The following EPCIP variants were observed in gnomAD, a reference collection of about 807,000 sequenced individuals.
EPCIP encodes exosomal polycystin-1-interacting protein.
At chr21:32,795,849 A>G in the EPCIP span, among the ~76,000 whole-genome samples, 1 of 152,250 alleles carries the variant, frequency 6.6e-6, no homozygotes, top group Non-Finnish European at 1.5e-5. Context: ...GGAGGATAGA[A>G]GTAAGCTCTG....
the EPCIP span, among the ~76,000 whole-genome samples, chr21:32,801,234 G>T: frequency 6.6e-6 from 1 of 152,176 alleles, no homozygotes; most frequent in Non-Finnish European, 1.5e-5. Flanking sequence ...ATTACTCTAA[G>T]CCACTGATAT....
the EPCIP span, among the ~76,000 whole-genome samples, chr21:32,795,698 A>G: frequency 2.0e-5 from 3 of 152,226 alleles, no homozygotes; most frequent in Admixed American, 1.3e-4. Flanking sequence ...AGCAGGAAAG[A>G]GGCTAGGCAG....
chr21:32,795,790 G>T, the EPCIP span, among the ~76,000 whole-genome samples: 1 of 152,230 alleles, frequency 6.6e-6, no homozygotes, highest in Non-Finnish European at 1.5e-5. Context: ...GCCAGGGATC[G>T]GGTAGACAGG....
At chr21:32,813,164 A>T in the EPCIP span, among the ~76,000 whole-genome samples, 4 of 152,154 alleles carry the variant, frequency 2.6e-5, no homozygotes, top group African/African-American at 9.7e-5. Context: ...AAGAGATATC[A>T]TATCTCTTTT....
chr21:32,794,858 A>C, the EPCIP span, among the ~76,000 whole-genome samples: 2 of 152,198 alleles, frequency 1.3e-5, no homozygotes, highest in African/African-American at 4.8e-5. Flanking sequence ...TTCTCCAAAC[A>C]TCCAATTACT....
At chr21:32,792,605 T>C in the EPCIP span, among the ~76,000 whole-genome samples, 1 of 152,120 alleles carries the variant, frequency 6.6e-6, no homozygotes, top group African/African-American at 2.4e-5. Context: ...AGACAGACCA[T>C]GCAAAGAAAG....
the EPCIP span, among the ~76,000 whole-genome samples, chr21:32,801,867 A>G: frequency 2.0e-5 from 3 of 152,024 alleles, no homozygotes; most frequent in Non-Finnish European, 4.4e-5. Flanking sequence ...AAAGATGCAG[A>G]TGGAGTGGTG....
the EPCIP span, among the ~76,000 whole-genome samples, chr21:32,808,897 A>G: frequency 7.9e-5 from 12 of 152,206 alleles, no homozygotes; most frequent in African/African-American, 2.9e-4. Flanking sequence ...CTCATTGATG[A>G]CTCTTTGACG....
At chr21:32,804,154 T>C in the EPCIP span, among the ~76,000 whole-genome samples, 2 of 152,094 alleles carry the variant, frequency 1.3e-5, no homozygotes, top group African/African-American at 4.8e-5. Context: ...ACTGTTCATG[T>C]TGAACTCACT....
the EPCIP span, among the ~76,000 whole-genome samples, chr21:32,805,025 C>A: frequency 6.6e-6 from 1 of 152,102 alleles, no homozygotes; most frequent in Non-Finnish European, 1.5e-5. Flanking sequence ...GGCCATAAGG[C>A]CTCTACAGAT....
the EPCIP span, among the ~76,000 whole-genome samples, chr21:32,806,800 T>G: frequency 6.6e-6 from 1 of 152,276 alleles, no homozygotes; most frequent in African/African-American, 2.4e-5. Flanking sequence ...TCCTTGTTGG[T>G]TTACTGTGGG....
At chr21:32,795,465 C>T in the EPCIP span, among the ~76,000 whole-genome samples, 7 of 152,098 alleles carry the variant, frequency 4.6e-5, no homozygotes, top group East Asian at 1.9e-4. Flanking sequence ...TTCAGTTTGG[C>T]GAAAGTAATA....
At chr21:32,811,401 G>C in the EPCIP span, among the ~76,000 whole-genome samples, 1 of 152,248 alleles carries the variant, frequency 6.6e-6, no homozygotes, top group East Asian at 1.9e-4. Context: ...CAAAGTGCTG[G>C]GGTTACAAGC....
chr21:32,809,286 T>TTCTTTCTTTCTTTCTTTCTTTCTTTC, the EPCIP span, among the ~76,000 whole-genome samples: 2 of 111,570 alleles, frequency 1.8e-5, no homozygotes, highest in Non-Finnish European at 3.7e-5. Flanking sequence ...CTTCCTTTCT[T>TTCTTTCTTTCTTTCTTTCTTTCTTTC]TCTTTCTTTC....
At chr21:32,799,171 G>A in the EPCIP span, among the ~76,000 whole-genome samples, 347 of 152,226 alleles carry the variant, frequency 2.3e-3, 2 homozygotes, top group African/African-American at 7.8e-3. Context: ...AAAAGGGCCA[G>A]GTAGGCAGTC....
the EPCIP span, among the ~76,000 whole-genome samples, chr21:32,799,139 G>T: frequency 2.0e-5 from 3 of 152,208 alleles, no homozygotes; most frequent in East Asian, 5.8e-4. Context: ...TTCTGCAAAG[G>T]GAAATCAGGA....
chr21:32,805,693 G>A, the EPCIP span, among the ~76,000 whole-genome samples: 2 of 152,118 alleles, frequency 1.3e-5, no homozygotes, highest in South Asian at 2.1e-4. Flanking sequence ...GCAGCAATAG[G>A]AAATGAATAC....
At chr21:32,811,310 T>A in the EPCIP span, among the ~76,000 whole-genome samples, 1 of 152,170 alleles carries the variant, frequency 6.6e-6, no homozygotes, top group Non-Finnish European at 1.5e-5. Flanking sequence ...TTTTGTATTT[T>A]TAGTACAGAC....
chr21:32,790,804 G>C, the EPCIP span: 3 of 152,190 alleles, frequency 2.0e-5, no homozygotes, highest in African/African-American at 7.2e-5. Context: ...CTGGCCAGAG[G>C]CAATAAGCTA....
Sources: gnomAD v4.1 joint callset for allele counts (sites outside exome capture counted in the v4.1 genomes callset) on GRCh38, gnomAD v4.1.1 for gene constraint, MANE v1.5 for transcripts, NCBI Gene and HGNC (gene_info 2026-07-23, HGNC 2026-07-21) for gene names.